TENM1: variants seen among roughly 807,000 people sequenced by gnomAD.
TENM1 encodes the protein teneurin-1.
TENM1 carries 35 observed loss-of-function variants against 174.8 expected under a neutral mutation model. The observed-to-expected ratio is 0.20, with a 90% CI of 0.15 to 0.27. The LOEUF (loss-of-function observed/expected upper bound fraction) is 0.27, where lower values mean the gene tolerates loss of function less well. TENM1 is among the 10% of genes least tolerant of loss of function. The pLI, the probability that TENM1 is intolerant of heterozygous loss-of-function variation, is 1.00. For missense variants in TENM1, 1,633 were observed against 2,130.1 expected (o/e 0.77, Z 4.59); for synonymous variants, 781 against 798.7 (o/e 0.98, Z 0.37).
intron 5 of TENM1, among the ~76,000 whole-genome samples, chrX:124,686,357 T>C (rs2052364743): frequency 8.9e-6 from 1 of 112,056 alleles, no homozygotes; most frequent in African/African-American, 3.2e-5. Context: ...TGCTAAAGGG[T>C]GTTTTTCAAC....
chrX:125,070,402 G>C, the TENM1 span, among the ~76,000 whole-genome samples: 1 of 110,660 alleles, frequency 9.0e-6, no homozygotes, highest in Admixed American at 9.7e-5. Context: ...TGTTGTTTGA[G>C]TTCCTTGTAG....
At chrX:125,153,296 C>T in the TENM1 span, among the ~76,000 whole-genome samples, 33,559 of 110,554 alleles carry the variant, frequency 0.3, 5,646 homozygotes, top group African/African-American at 0.63. Context: ...CTTTTTACAG[C>T]AATTAAGTCC....
At chrX:124,887,865 A>C (rs1235512256) in intron 3 of TENM1, among the ~76,000 whole-genome samples, 2 of 111,446 alleles carry the variant, frequency 1.8e-5, no homozygotes, top group African/African-American at 6.5e-5. Context: ...GCATTGTTTC[A>C]TACACTTCCT....
intron 1 of TENM1, among the ~76,000 whole-genome samples, chrX:124,943,161 G>T (rs757625220): frequency 9.0e-6 from 1 of 111,496 alleles, no homozygotes; most frequent in South Asian, 3.8e-4. Context: ...AAGACCTGAG[G>T]TCATTCAGTG....
At chrX:124,378,237 C>A (rs1346424612) in exon 32 of TENM1, 1 of 112,039 alleles carries the variant, frequency 8.9e-6, no homozygotes, top group African/African-American at 3.2e-5. Context: ...ATATTTAAAG[C>A]AGTTTGAAAA....
intron 21 of TENM1, among the ~76,000 whole-genome samples, chrX:124,486,092 G>A (rs12009789): frequency 0.033 from 3,723 of 111,479 alleles, 126 homozygotes; most frequent in African/African-American, 0.11. Context: ...GCTCTTTTGA[G>A]GCTGATTTCT....
intron 3 of TENM1, among the ~76,000 whole-genome samples, chrX:124,850,686 A>G (rs1213126418): frequency 2.7e-5 from 3 of 111,096 alleles, no homozygotes; most frequent in African/African-American, 9.8e-5. Context: ...AAGTCCTACC[A>G]CAAAGCATTT....
intron 3 of TENM1, among the ~76,000 whole-genome samples, chrX:124,877,296 T>C (rs999511871): frequency 8.9e-6 from 1 of 112,220 alleles, no homozygotes; most frequent in Admixed American, 9.5e-5. Context: ...TGGCAGTTGA[T>C]TTTCATTTGT....
At chrX:124,786,511 C>T (rs2055039886) in intron 3 of TENM1, among the ~76,000 whole-genome samples, 1 of 111,617 alleles carries the variant, frequency 9.0e-6, no homozygotes, top group Admixed American at 9.6e-5. Flanking sequence ...ATTTAGTGGT[C>T]CATCAGTCAA....
the TENM1 span, among the ~76,000 whole-genome samples, chrX:125,161,734 G>A: frequency 8.9e-6 from 1 of 112,130 alleles, no homozygotes; most frequent in African/African-American, 3.2e-5. Flanking sequence ...ACAACTCTGT[G>A]AATAGATAAA....
exon 29 of TENM1, chrX:124,385,814 G>T: frequency 1.7e-6 from 2 of 1,211,682 alleles, no homozygotes; most frequent in Non-Finnish European, 2.2e-6. Flanking sequence ...TGCTTGCTTG[G>T]TGTACTTGTA....
At chrX:125,040,866 T>A in the TENM1 span, among the ~76,000 whole-genome samples, 1 of 111,719 alleles carries the variant, frequency 9.0e-6, no homozygotes, top group Non-Finnish European at 1.9e-5. Context: ...GCTCATGACC[T>A]CAGTAAACTT....
intron 11 of TENM1, among the ~76,000 whole-genome samples, chrX:124,591,382 T>A (rs764448116): frequency 4.5e-5 from 5 of 112,085 alleles, no homozygotes; most frequent in Non-Finnish European, 9.4e-5. Context: ...CTTTCATTGC[T>A]GTGTTCCTTA....
rs73544900 is a variant in TENM1 at position 124,387,780 on chromosome X, C to T, written c.5689-1716G>A. 1.4e-3 allele frequency among the ~76,000 whole-genome samples: 157 copies of T among 112,258 alleles called. 1 individual carries two copies. The highest frequency in any genetic ancestry group is 4.8e-3 in the African/African-American group (149 of 30,934). ...CATTCTTTCTTTTCCACCAACATTA[C>T]GCCTGCAGAGCCAGAGGTGAGTGCA... On this transcript the variant is annotated intron_variant, in intron 28 of 31. Coordinates refer to ENST00000422452, the Ensembl canonical transcript of TENM1.
chrX:125,190,722 AT>A, the TENM1 span, among the ~76,000 whole-genome samples: 1 of 110,909 alleles, frequency 9.0e-6, no homozygotes, highest in Non-Finnish European at 1.9e-5. Flanking sequence ...GGCAATATTT[AT>A]TTTTTTGTTT....
At chrX:125,063,722 C>G in the TENM1 span, among the ~76,000 whole-genome samples, 3 of 111,677 alleles carry the variant, frequency 2.7e-5, no homozygotes, top group Non-Finnish European at 5.6e-5. Flanking sequence ...GGACTGTAAA[C>G]TAGTTCAACC....
the TENM1 span, among the ~76,000 whole-genome samples, chrX:125,180,045 C>A: frequency 5.4e-5 from 5 of 93,152 alleles, no homozygotes; most frequent in African/African-American, 2.0e-4. Flanking sequence ...TTCCTCCTTC[C>A]CTAGAGCAGT....
chrX:124,574,204 G>A (rs374777006), intron 11 of TENM1, among the ~76,000 whole-genome samples: 2 of 111,555 alleles, frequency 1.8e-5, no homozygotes, highest in East Asian at 5.6e-4. Context: ...AGATACAACT[G>A]GAACACTTCT....
intron 22 of TENM1, among the ~76,000 whole-genome samples, chrX:124,472,553 C>T (rs1366486666): frequency 9.1e-6 from 1 of 110,137 alleles, no homozygotes; most frequent in East Asian, 2.8e-4. Flanking sequence ...AAAAAATGAA[C>T]TTCTTTACTC....
Sources: gnomAD v4.1 joint callset for allele counts (sites outside exome capture counted in the v4.1 genomes callset) on GRCh38, gnomAD v4.1.1 for gene constraint, MANE v1.5 for transcripts, NCBI Gene and HGNC (gene_info 2026-07-23, HGNC 2026-07-21) for gene names.